Variants in NMNAT2 observed in about 807,000 individuals in gnomAD.
The protein encoded by NMNAT2 is nicotinamide/nicotinic acid mononucleotide adenylyltransferase 2.
Under a neutral mutation model 41.6 loss-of-function variants are expected in NMNAT2, and 11 were observed. That is an observed-to-expected ratio of 0.26 (90% CI 0.17 to 0.44). NMNAT2 has a LOEUF of 0.44. Among genes scored for constraint, NMNAT2 ranks in the 20% least tolerant of loss-of-function variants. The pLI is 1.00. For missense variants in NMNAT2, 288 were observed against 407.7 expected (o/e 0.71, Z 2.53); for synonymous variants, 148 against 151.2 (o/e 0.98, Z 0.16).
intron 1 of NMNAT2, among the ~76,000 whole-genome samples, chr1:183,313,044 A>C: frequency 6.6e-6 from 1 of 152,116 alleles, no homozygotes; most frequent in East Asian, 1.9e-4. Context: ...TGGAGCTGTC[A>C]TGGAACACTC....
chr1:183,263,891 G>A (rs1042486259), intron 8 of NMNAT2, among the ~76,000 whole-genome samples: 5 of 152,126 alleles, frequency 3.3e-5, no homozygotes, highest in African/African-American at 7.2e-5. Flanking sequence ...AAATTCCCCA[G>A]ATAATATCAA....
chr1:183,296,542 T>A (rs1243033186), intron 1 of NMNAT2, among the ~76,000 whole-genome samples: 1 of 151,276 alleles, frequency 6.6e-6, no homozygotes, highest in East Asian at 1.9e-4. Context: ...TGATGGAGTC[T>A]AGCTCTGTTG....
chr1:183,388,844 A>G (rs532647819), intron 1 of NMNAT2, among the ~76,000 whole-genome samples: 139 of 152,340 alleles, frequency 9.1e-4, no homozygotes, highest in African/African-American at 3.3e-3. Context: ...AAAATAACTC[A>G]GTAAATATTC....
intron 1 of NMNAT2, among the ~76,000 whole-genome samples, chr1:183,376,447 G>A (rs1258268430): frequency 6.6e-6 from 1 of 152,010 alleles, no homozygotes; most frequent in Non-Finnish European, 1.5e-5. Context: ...GATGAGGAGT[G>A]GAAAAAATTG....
chr1:183,369,046 G>C (rs531557203), intron 1 of NMNAT2, among the ~76,000 whole-genome samples: 1 of 152,094 alleles, frequency 6.6e-6, no homozygotes, highest in Non-Finnish European at 1.5e-5. Context: ...CCCTTCTCAC[G>C]GCAACTCTGA....
chr1:183,300,764 G>A (rs1661829203), intron 1 of NMNAT2, among the ~76,000 whole-genome samples: 1 of 152,184 alleles, frequency 6.6e-6, no homozygotes, highest in South Asian at 2.1e-4. Context: ...CCCAGGCAGT[G>A]GCAAGCAAGC....
rs1332487006 is a variant in NMNAT2 at position 183,333,119 on chromosome 1, G to A, written c.86-39326C>T. On this transcript the variant is annotated intron_variant, in intron 1 of 10. Coordinates refer to ENST00000287713, the MANE Select transcript of NMNAT2 (RefSeq NM_015039.4). The stretch of plus-strand genomic sequence containing the variant: ...ACAGCTTCACAAATCTCTTTTAGGG[G>A]AAGGAACAAAACCCAGGTGGAAGCC... Among the ~76,000 whole-genome samples, 3 of 152,116 alleles carry A rather than the reference G, an allele frequency of 2.0e-5. No individual in the cohort carries two copies. In the East Asian group the frequency reaches 5.8e-4, roughly 29 times the overall value.
At chr1:183,396,448 C>T (rs549841185) in intron 1 of NMNAT2, among the ~76,000 whole-genome samples, 1 of 152,240 alleles carries the variant, frequency 6.6e-6, no homozygotes, top group East Asian at 1.9e-4. Flanking sequence ...GGCGAGTGGG[C>T]TCAAGCATGT....
In NMNAT2 at chr1:183,290,176, G is replaced by A. The variant is rs1661503822; in HGVS notation, c.273C>T (p.Thr91=). Residue 91 remains threonine (T), a synonymous_variant, in exon 4 of 11, where the codon ACC becomes ACT. Coordinates refer to ENST00000287713, the MANE Select transcript of NMNAT2 (RefSeq NM_015039.4). ...RVDPWECYQD[T]WQTTCSVLEH... is the part of the protein sequence containing the mutation. ...CCAACACGCTGCAGGTCGTCTGCCA[G>A]GTGTCCTGGTAGCACTCCCAAGGGT... is the stretch of plus-strand genomic sequence containing the variant. 2 of 1,587,276 alleles carry A rather than the reference G, an allele frequency of 1.3e-6. No homozygotes were observed. The highest frequency in any genetic ancestry group is 2.7e-5 in the African/African-American group (2 of 74,486).
chr1:183,307,017 G>A (rs1662008611), intron 1 of NMNAT2, among the ~76,000 whole-genome samples: 1 of 152,052 alleles, frequency 6.6e-6, no homozygotes, highest in African/African-American at 2.4e-5. Flanking sequence ...CCTTGGGGAG[G>A]AAAGTAGAGG....
chr1:183,369,597 G>A (rs1368939638), intron 1 of NMNAT2, among the ~76,000 whole-genome samples: 2 of 151,786 alleles, frequency 1.3e-5, no homozygotes, highest in Non-Finnish European at 2.9e-5. Context: ...TTCAATTGTG[G>A]TAAATATTCA....
At chr1:183,325,506 A>G (rs1393846397) in intron 1 of NMNAT2, among the ~76,000 whole-genome samples, 3 of 152,200 alleles carry the variant, frequency 2.0e-5, no homozygotes, top group Non-Finnish European at 2.9e-5. Context: ...AAGCTACTTT[A>G]ATGTTGTAAT....
intron 1 of NMNAT2, among the ~76,000 whole-genome samples, chr1:183,373,833 G>T (rs1663610082): frequency 6.6e-6 from 1 of 152,066 alleles, no homozygotes; most frequent in Admixed American, 6.5e-5. Flanking sequence ...GGCCAAGCTG[G>T]TCTCAAACTT....
intron 1 of NMNAT2, among the ~76,000 whole-genome samples, chr1:183,342,503 T>G (rs1662841105): frequency 6.6e-6 from 1 of 152,192 alleles, no homozygotes; most frequent in Non-Finnish European, 1.5e-5. Context: ...AAGAAGGAAC[T>G]AGATGATTCC....
At chr1:183,337,378 A>T (rs935481283) in intron 1 of NMNAT2, among the ~76,000 whole-genome samples, 1 of 152,112 alleles carries the variant, frequency 6.6e-6, no homozygotes, top group Admixed American at 6.5e-5. Flanking sequence ...AAAATACAAC[A>T]ACAAATTTAT....
intron 1 of NMNAT2, among the ~76,000 whole-genome samples, chr1:183,302,415 C>T (rs895604575): frequency 2.6e-5 from 4 of 152,284 alleles, no homozygotes; most frequent in Non-Finnish European, 5.9e-5. Flanking sequence ...TAGACCTAAG[C>T]TAGAATCCAA....
chr1:183,258,049 A>G (rs1352747774), intron 10 of NMNAT2, among the ~76,000 whole-genome samples: 3 of 152,170 alleles, frequency 2.0e-5, no homozygotes, highest in Non-Finnish European at 4.4e-5. Flanking sequence ...TGCTGGCCTC[A>G]AGAGTATGAA....
At chr1:183,325,409 T>C (rs1662440598) in intron 1 of NMNAT2, among the ~76,000 whole-genome samples, 1 of 152,216 alleles carries the variant, frequency 6.6e-6, no homozygotes, top group Non-Finnish European at 1.5e-5. Context: ...TCTGGAGAAA[T>C]ACATACATTT....
intron 1 of NMNAT2, among the ~76,000 whole-genome samples, chr1:183,294,452 A>G (rs1661626392): frequency 1.3e-5 from 2 of 152,320 alleles, no homozygotes; most frequent in South Asian, 4.1e-4. Flanking sequence ...CAAGGAAGGG[A>G]CTGAAAAGTC....
Sources: gnomAD v4.1 joint callset for allele counts (sites outside exome capture counted in the v4.1 genomes callset) on GRCh38, gnomAD v4.1.1 for gene constraint, MANE v1.5 for transcripts, NCBI Gene and HGNC (gene_info 2026-07-23, HGNC 2026-07-21) for gene names.